RASA3: variants seen among roughly 807,000 people sequenced by gnomAD.
RASA3 encodes the protein RAS p21 protein activator 3, also known as ras GTPase-activating protein 3.
In RASA3, 73 loss-of-function variants were observed where a neutral mutation model predicts 110.0. That is an observed-to-expected ratio of 0.66 (90% CI 0.55 to 0.81). RASA3 has a LOEUF of 0.81. Among genes scored for constraint, RASA3 ranks in the 30% least tolerant of loss-of-function variants. The pLI is 0.00. For synonymous variants in RASA3, 500 were observed against 451.4 expected, an observed-to-expected ratio of 1.11 and a Z score of -1.37; for missense variants, 976 against 1,113.2, an observed-to-expected ratio of 0.88 and a Z score of 1.75.
intron 12 of RASA3, among the ~76,000 whole-genome samples, chr13:114,016,768 A>G (rs2053802028): frequency 6.6e-6 from 1 of 152,186 alleles, no homozygotes; most frequent in South Asian, 2.1e-4. Context: ...CAATTTTCTC[A>G]CATTTGCAAA....
rs200651638 is a variant in RASA3 at position 114,027,853 on chromosome 13, G to A, written c.524C>T (p.Pro175Leu). The change falls in exon 6 of 24, where the codon CCC becomes CTC. Residue 175 changes from proline to leucine, a missense_variant. Pro to Leu is a moderately conservative substitution (Grantham distance 98, BLOSUM62 -3). Transcript: ENST00000334062. ...GAAGCGTGAGGCAACTTGCCTGAAGGGTCCTGCCAGCGTCACGGTGGCGTA... is the reference window on the plus strand; with the variant it reads ...GAAGCGTGAGGCAACTTGCCTGAAGAGTCCTGCCAGCGTCACGGTGGCGTA... ...DPYATVTLAG[P>L]FRSEAKKTKV... is the part of the protein sequence containing the mutation. The A allele has an allele frequency of 6.2e-7, 1 of 1,613,872 alleles. No homozygotes were observed. Among genetic ancestry groups the A allele is most frequent in the East Asian group, 2.2e-5 (1 of 44,876 alleles).
chr13:114,037,580 A>C (rs1431014154), intron 4 of RASA3, among the ~76,000 whole-genome samples: 1 of 152,194 alleles, frequency 6.6e-6, no homozygotes, highest in East Asian at 1.9e-4. Context: ...GGAGCTCTAG[A>C]GATGGGTGGT....
rs377680115 is a variant in RASA3 at position 114,065,114 on chromosome 13, G to C, written c.173+8606C>G. On this transcript the variant is annotated intron_variant, in intron 2 of 23. Coordinates refer to ENST00000334062, the MANE Select transcript of RASA3 (RefSeq NM_007368.4). This position sits in a 1 kb window ranked among gnomAD's most constrained non-coding sequence, Gnocchi z 4.1. ...ACCTTTAAGTAGTGGCTCTGATGAG[G>C]GGAAACCATCTGAACTGAATTCCTC... Among the ~76,000 whole-genome samples, 3 of 152,230 alleles carry C rather than the reference G, an allele frequency of 2.0e-5. No homozygotes were observed. Among genetic ancestry groups the C allele is most frequent in the Non-Finnish European group, 4.4e-5 (3 of 68,042 alleles).
At chr13:114,031,585 T>C (rs1276882315) in intron 4 of RASA3, among the ~76,000 whole-genome samples, 1 of 151,896 alleles carries the variant, frequency 6.6e-6, no homozygotes, top group South Asian at 2.1e-4. Flanking sequence ...TGTGTGTGCA[T>C]GTCTGCCTGT....
intron 2 of RASA3, among the ~76,000 whole-genome samples, chr13:114,066,417 G>A (rs1190687277): frequency 1.3e-5 from 2 of 152,186 alleles, no homozygotes; most frequent in Non-Finnish European, 1.5e-5. Context: ...AGGCGGCCGG[G>A]CGAGAGGAGG....
rs779115044 is a variant in RASA3 at position 113,979,388 on chromosome 13, A to G, written c.2464T>C (p.Tyr822His). ...GAGGTCTCGGACTGCTGCCGGATGT[A>G]GTTCTGGAAGCTCTTGTCTCCGATG... is the stretch of plus-strand genomic sequence containing the variant. ...HPIGDKSFQNYIRQQSETSTH... is the reference protein window; with the variant it reads ...HPIGDKSFQNHIRQQSETSTH... The change falls in exon 24 of 24, where the codon TAC becomes CAC. Residue 822 changes from tyrosine to histidine, a missense_variant. Tyr to His is a moderately conservative substitution (Grantham distance 83). Transcript: ENST00000334062. 1 of 1,605,416 alleles carries G rather than the reference A, an allele frequency of 6.2e-7. No individual in the cohort carries two copies. Among genetic ancestry groups the G allele is most frequent in the East Asian group, 2.2e-5 (1 of 44,648 alleles).
At position 113,982,070 on chromosome 13, in the gene RASA3, C is replaced by A. The variant is rs557684484; in HGVS notation, c.2246-212G>T. Among the ~76,000 whole-genome samples the A allele has an allele frequency of 5.9e-5, 9 of 152,350 alleles. No individual in the cohort carries two copies. The East Asian group carries it at 1.4e-3, about 23-fold the overall frequency. On this transcript the variant is annotated intron_variant, in intron 22 of 23. Transcript: ENST00000334062. ...GTGCCCACACTGAGCCCAGGGAAAG[C>A]CCATTGGGAGCTGGATGCTGAGCAA... is the stretch of plus-strand genomic sequence containing the variant.
intron 3 of RASA3, among the ~76,000 whole-genome samples, chr13:114,046,505 T>C (rs977915595): frequency 1.6e-4 from 25 of 152,210 alleles, no homozygotes; most frequent in South Asian, 4.1e-4. Flanking sequence ...TTTAACTATA[T>C]GTCAATTAAA....
chr13:114,019,075 A>AC (rs904765297), intron 9 of RASA3, among the ~76,000 whole-genome samples, 156 bp from the exon 10 acceptor site: 1 of 150,804 alleles, frequency 6.6e-6, no homozygotes, highest in African/African-American at 2.5e-5. Flanking sequence ...CCCACCGAAG[A>AC]CCCCCAGCAG....
At chr13:114,025,519 G>A (rs1228200785) in intron 7 of RASA3, among the ~76,000 whole-genome samples, 1 of 152,220 alleles carries the variant, frequency 6.6e-6, no homozygotes, top group Non-Finnish European at 1.5e-5. Context: ...CTGCAGGGCA[G>A]GTCGGGAGCT....
chr13:113,981,827 G>C lies in RASA3; in HGVS notation c.2277C>G (p.Gly759=). The C allele has an allele frequency of 6.2e-7, 1 of 1,613,912 alleles. No individual in the cohort carries two copies. Among genetic ancestry groups the C allele is most frequent in the Non-Finnish European group, 8.5e-7 (1 of 1,179,948 alleles). ...ACGTCGAATACTCCTCCTGCTCCGG[G>C]CCGTCATACACAGATTTGCTCCCAC... is the stretch of plus-strand genomic sequence containing the variant. The part of the protein sequence containing the change: ...EACGSKSVYD[G]PEQEEYSTFV... Residue 759 remains glycine (G), a synonymous_variant, in exon 23 of 24, where the codon GGC becomes GGG. Coordinates refer to ENST00000334062, the MANE Select transcript of RASA3 (RefSeq NM_007368.4).
rs113580940 is a variant in RASA3, at chr13:114,078,272, T to C, written c.56-4435A>G. Among the ~76,000 whole-genome samples the C allele has an allele frequency of 7.2e-5, 11 of 152,380 alleles. 2 individuals carry two copies. Among genetic ancestry groups the C allele is most frequent in the African/African-American group, 2.6e-4 (11 of 41,596 alleles). On this transcript the variant is annotated intron_variant, in intron 1 of 23. Transcript: ENST00000334062. Reference sequence around the variant, plus strand: ...ACCGCACCCCAAACAGTTCATTCAGTTACCTTCACCAAAGGTGCCTGTTCT... The same window carrying C: ...ACCGCACCCCAAACAGTTCATTCAGCTACCTTCACCAAAGGTGCCTGTTCT...
intron 4 of RASA3, among the ~76,000 whole-genome samples, chr13:114,032,353 C>A (rs1205908722): frequency 1.3e-5 from 2 of 152,136 alleles, no homozygotes; most frequent in Non-Finnish European, 2.9e-5. Flanking sequence ...AATCACAAAT[C>A]AAAAACGCTC....
At chr13:114,012,584 CCA>C (rs1173831598) in intron 15 of RASA3, among the ~76,000 whole-genome samples, 9 of 148,074 alleles carry the variant, frequency 6.1e-5, no homozygotes, top group African/African-American at 1.5e-4. Flanking sequence ...ACTCCCCATT[CCA>C]CACACACTCC....
chr13:114,103,909 G>A (rs7322269), intron 1 of RASA3, among the ~76,000 whole-genome samples: 547 of 26,908 alleles, frequency 0.02, 13 homozygotes, highest in Non-Finnish European at 0.024. Context: ...CCCCGGCCAC[G>A]GACACCCACC....
chr13:113,992,663 T>C, intron 21 of RASA3, 75 bp from the exon 22 acceptor site: 1 of 1,137,190 alleles, frequency 8.8e-7, no homozygotes, highest in Non-Finnish European at 1.3e-6. Context: ...CATTCATTTT[T>C]AAAATGTCAC....
chr13:114,023,423 C>A (rs1487277082), intron 8 of RASA3, among the ~76,000 whole-genome samples: 1 of 152,190 alleles, frequency 6.6e-6, no homozygotes, highest in East Asian at 1.9e-4. Context: ...CCTTCTCTGT[C>A]CAGCATGGGA....
intron 1 of RASA3, among the ~76,000 whole-genome samples, chr13:114,076,795 T>C (rs1274116738): frequency 6.6e-6 from 1 of 150,908 alleles, no homozygotes; most frequent in Admixed American, 6.6e-5. Context: ...CCCTCCAGCC[T>C]CCCGGCCCTG....
intron 14 of RASA3, among the ~76,000 whole-genome samples, chr13:114,013,553 C>CGT (rs2053694687): frequency 7.5e-6 from 1 of 133,572 alleles, no homozygotes; most frequent in Admixed American, 7.4e-5. Flanking sequence ...TCTCTTTGTC[C>CGT]CTCTGTCTCT....
Sources: gnomAD v4.1 joint callset for allele counts (sites outside exome capture counted in the v4.1 genomes callset) on GRCh38, gnomAD v4.1.1 for gene constraint, Gnocchi (gnomAD v3.1) non-coding constraint, MANE v1.5 for transcripts, NCBI Gene and HGNC (gene_info 2026-07-23, HGNC 2026-07-21) for gene names.